The following C10orf90 variants were observed in gnomAD, a reference collection of about 807,000 sequenced individuals.
The protein encoded by C10orf90 is (E2-independent) E3 ubiquitin-conjugating enzyme FATS.
C10orf90 carries 56 observed loss-of-function variants against 62.5 expected under a neutral mutation model. That is an observed-to-expected ratio of 0.90 (90% CI 0.72 to 1.12). The LOEUF is 1.12. Ranked by LOEUF, C10orf90 falls within the 50% of genes most tolerant of loss-of-function variation. The probability of loss-of-function intolerance (pLI) is 0.00; values close to 1 mark genes in which losing one functional copy is unlikely to be tolerated. For synonymous variants in C10orf90, 386 were observed against 340.4 expected (o/e 1.13, Z -1.47); for missense variants, 970 against 880.4 (o/e 1.10, Z -1.29).
intron 2 of C10orf90, among the ~76,000 whole-genome samples, chr10:126,584,360 G>C (rs1220546314): frequency 6.6e-6 from 1 of 151,096 alleles, no homozygotes; most frequent in Non-Finnish European, 1.5e-5. Flanking sequence ...CTGTCCACCT[G>C]TCCACCTTCC....
intron 5 of C10orf90, 27 bp downstream of exon 5, chr10:126,464,669 A>T (rs1193416145): frequency 8.8e-6 from 14 of 1,582,022 alleles, no homozygotes; most frequent in Middle Eastern, 1.7e-4. Context: ...AGACCAAATG[A>T]TGTCACCCAC....
At chr10:126,434,898 T>C (rs553206312) in intron 7 of C10orf90, among the ~76,000 whole-genome samples, 33 of 152,314 alleles carry the variant, frequency 2.2e-4, no homozygotes, top group African/African-American at 7.7e-4. Context: ...GAGTGGTCTA[T>C]CTTGAACCAA....
rs560881933 is a variant in C10orf90 at position 126,648,165 on chromosome 10, T to C, written c.241-1528A>G. Among the ~76,000 whole-genome samples the C allele has an allele frequency of 5.1e-3, 579 of 114,402 alleles. 3 individuals are homozygous for C. Among genetic ancestry groups the C allele is most frequent in the Non-Finnish European group, 9.6e-3 (487 of 50,964 alleles). 75.1% of individuals were successfully genotyped at this position (114,402 alleles called of 152,430 possible). ...CGCTTCTGCTCCTCTGCCATGTTTGTTTTTTTTTTAATCAGGAACATCTTG... is the reference window on the plus strand; with the variant it reads ...CGCTTCTGCTCCTCTGCCATGTTTGCTTTTTTTTTAATCAGGAACATCTTG... On this transcript the variant is annotated intron_variant, in intron 1 of 9. Transcript: ENST00000488181.
At chr10:126,476,259 C>G (rs536754685) in intron 4 of C10orf90, among the ~76,000 whole-genome samples, 1 of 152,326 alleles carries the variant, frequency 6.6e-6, no homozygotes, top group Non-Finnish European at 1.5e-5. Flanking sequence ...CTCTGGTTTT[C>G]TCAGACACTT....
intron 4 of C10orf90, among the ~76,000 whole-genome samples, chr10:126,466,459 C>A (rs536676643): frequency 2.0e-5 from 3 of 152,204 alleles, no homozygotes; most frequent in South Asian, 2.1e-4. Context: ...TCATGACTAC[C>A]AACCCCTCTC....
intron 2 of C10orf90, among the ~76,000 whole-genome samples, chr10:126,597,632 G>A (rs1156819461): frequency 3.3e-5 from 5 of 152,346 alleles, no homozygotes; most frequent in South Asian, 4.1e-4. Flanking sequence ...ACCAACAAGT[G>A]ATGATCATGG....
chr10:126,469,927 A>G (rs1365532829), intron 4 of C10orf90: 1 of 456,644 alleles, frequency 2.2e-6, no homozygotes, highest in Non-Finnish European at 4.4e-6. Flanking sequence ...GCAGAGGGGA[A>G]GGAAGGTGTT....
chr10:126,535,132 T>C (rs1367585827), intron 2 of C10orf90, among the ~76,000 whole-genome samples: 1 of 152,014 alleles, frequency 6.6e-6, no homozygotes, highest in Non-Finnish European at 1.5e-5. Flanking sequence ...TATATATACA[T>C]ACACACACAC....
At chr10:126,436,095 C>T (rs1194983642) in intron 7 of C10orf90, among the ~76,000 whole-genome samples, 1 of 152,142 alleles carries the variant, frequency 6.6e-6, no homozygotes, top group African/African-American at 2.4e-5. Context: ...TGCCAAAGAC[C>T]CACGGAACAA....
chr10:126,528,239 C>G (rs544608316), intron 2 of C10orf90, among the ~76,000 whole-genome samples: 2 of 152,076 alleles, frequency 1.3e-5, no homozygotes, highest in East Asian at 3.9e-4. Flanking sequence ...AAAGAAGGAG[C>G]GAACACCAGA....
At chr10:126,664,048 C>A (rs1846573634) in intron 1 of C10orf90, among the ~76,000 whole-genome samples, 2 of 152,192 alleles carry the variant, frequency 1.3e-5, no homozygotes, top group African/African-American at 2.4e-5. Flanking sequence ...TCAAGAGTCT[C>A]TTGTCCGTGA....
At chr10:126,609,880 T>A (rs907753849) in intron 2 of C10orf90, among the ~76,000 whole-genome samples, 1 of 152,184 alleles carries the variant, frequency 6.6e-6, no homozygotes, top group African/African-American at 2.4e-5. Context: ...TGACTCCCAG[T>A]GTAATGAGAT....
intron 3 of C10orf90, among the ~76,000 whole-genome samples, chr10:126,507,287 A>G (rs11245009): frequency 0.13 from 18,510 of 148,000 alleles, 1,202 homozygotes; most frequent in East Asian, 0.15. Flanking sequence ...AACCCGAGAG[A>G]CGGAGCTTGC....
intron 2 of C10orf90, among the ~76,000 whole-genome samples, chr10:126,622,625 G>A (rs975485199): frequency 6.6e-6 from 1 of 152,092 alleles, no homozygotes; most frequent in East Asian, 1.9e-4. Context: ...TAAGGTTGAG[G>A]ACCCCTCCTT....
At chr10:126,491,308 G>C (rs972202233) in intron 4 of C10orf90, among the ~76,000 whole-genome samples, 1 of 152,184 alleles carries the variant, frequency 6.6e-6, no homozygotes. Context: ...TCCCAGGACT[G>C]GGGGTGAAGG....
intron 7 of C10orf90, among the ~76,000 whole-genome samples, chr10:126,442,481 A>ATATATATATATCTATATATATATC (rs1233551127): frequency 5.1e-5 from 3 of 59,164 alleles, no homozygotes; most frequent in African/African-American, 1.8e-4. Flanking sequence ...AATATTTCAT[A>ATATATATATATCTATATATATATC]TATATATATA....
At chr10:126,580,884 C>T (rs1844736044) in intron 2 of C10orf90, among the ~76,000 whole-genome samples, 1 of 152,018 alleles carries the variant, frequency 6.6e-6, no homozygotes, top group African/African-American at 2.4e-5. Flanking sequence ...ACATTTCCAT[C>T]CTCCCTCCCT....
In C10orf90 at chr10:126,651,475, C is replaced by CA. The variant is rs397977322; in HGVS notation, c.241-4839dup. 5.0e-3 allele frequency among the ~76,000 whole-genome samples: 751 copies of CA among 151,710 alleles called. 8 individuals are homozygous for CA. The highest frequency in any genetic ancestry group is 0.016 in the African/African-American group (664 of 41,396). ...TGCACAATATTATCTTTTTAAAATC[C>CA]AAAAAAAATTATTGTTGAATCACAT... On this transcript the variant is annotated intron_variant, in intron 1 of 9. Coordinates refer to ENST00000488181, the MANE Select transcript of C10orf90 (RefSeq NM_001350921.2).
At chr10:126,450,192 G>T (rs1476259050) in intron 7 of C10orf90, among the ~76,000 whole-genome samples, 1 of 152,032 alleles carries the variant, frequency 6.6e-6, no homozygotes, top group Non-Finnish European at 1.5e-5. Flanking sequence ...ATAATTAAAA[G>T]ACAAGAAGTA....
Sources: gnomAD v4.1 joint callset for allele counts (sites outside exome capture counted in the v4.1 genomes callset) on GRCh38, gnomAD v4.1.1 for gene constraint, MANE v1.5 for transcripts, NCBI Gene and HGNC (gene_info 2026-07-23, HGNC 2026-07-21) for gene names.